NFIB: variants seen among roughly 807,000 people sequenced by gnomAD.
NFIB encodes the protein nuclear factor 1 B-type.
Under a neutral mutation model 61.5 loss-of-function variants are expected in NFIB, and 11 were observed. That is an observed-to-expected ratio of 0.18 (90% CI 0.11 to 0.30). NFIB has a LOEUF of 0.30. Ranked by LOEUF, NFIB falls within the 10% of genes least tolerant of loss-of-function variation. The pLI, the probability that NFIB is intolerant of heterozygous loss-of-function variation, is 1.00. For missense variants in NFIB, 471 were observed against 608.9 expected (o/e 0.77, Z 2.38); for synonymous variants, 260 against 216.5 (o/e 1.20, Z -1.76).
At chr9:14,299,449 T>C (rs2132633766) in intron 2 of NFIB, among the ~76,000 whole-genome samples, 1 of 152,338 alleles carries the variant, frequency 6.6e-6, no homozygotes, top group South Asian at 2.1e-4. Flanking sequence ...CTATTTTGAA[T>C]GGAGTTGAAG....
At chr9:14,095,423 A>G (rs1357050491) in intron 10 of NFIB, among the ~76,000 whole-genome samples, 1 of 152,108 alleles carries the variant, frequency 6.6e-6, no homozygotes, top group Non-Finnish European at 1.5e-5. Flanking sequence ...CCTCCCACAG[A>G]CCACAGCACA....
chr9:14,110,975 G>T (rs1255527712), intron 10 of NFIB, among the ~76,000 whole-genome samples: 1 of 151,974 alleles, frequency 6.6e-6, no homozygotes, highest in Admixed American at 6.6e-5. Flanking sequence ...CAGCTATAAA[G>T]AACTTTTTTT....
chr9:14,298,901 G>A (rs1029402410), intron 2 of NFIB, among the ~76,000 whole-genome samples: 1 of 152,180 alleles, frequency 6.6e-6, no homozygotes, highest in Admixed American at 6.5e-5. Context: ...GTTGCATCAG[G>A]TAGCAGGGTT....
At chr9:14,424,993 T>A in the NFIB span, among the ~76,000 whole-genome samples, 1 of 152,174 alleles carries the variant, frequency 6.6e-6, no homozygotes, top group Non-Finnish European at 1.5e-5. Context: ...CCTGGGCCTT[T>A]GCTCTAGAGA....
chr9:14,107,528 G>C (rs973763546), intron 10 of NFIB, among the ~76,000 whole-genome samples: 3 of 152,078 alleles, frequency 2.0e-5, no homozygotes, highest in Non-Finnish European at 2.9e-5. Context: ...GAAAGATTTT[G>C]TTTTTAAATT....
At chr9:14,098,135 C>T (rs1035502818) in intron 10 of NFIB, among the ~76,000 whole-genome samples, 1 of 152,100 alleles carries the variant, frequency 6.6e-6, no homozygotes, top group Non-Finnish European at 1.5e-5. Context: ...CGCAGAAACA[C>T]AAAAATCCTC....
chr9:14,278,834 G>C (rs894823170), intron 2 of NFIB, among the ~76,000 whole-genome samples: 9 of 152,110 alleles, frequency 5.9e-5, no homozygotes, highest in African/African-American at 1.9e-4. Context: ...TTTTCCAGCA[G>C]TAGAACTTCA....
At chr9:14,481,218 T>TATGTATATATATATGTAC in the NFIB span, among the ~76,000 whole-genome samples, 2 of 114,218 alleles carry the variant, frequency 1.8e-5, no homozygotes, top group Non-Finnish European at 3.7e-5. Flanking sequence ...TATATATATA[T>TATGTATATATATATGTAC]ATATATATAT....
At chr9:14,393,037 A>T (rs146213265) in intron 1 of NFIB, among the ~76,000 whole-genome samples, 1 of 152,304 alleles carries the variant, frequency 6.6e-6, no homozygotes, top group East Asian at 1.9e-4. Flanking sequence ...GTCTATTTTC[A>T]TTACCATCAT....
intron 1 of NFIB, among the ~76,000 whole-genome samples, chr9:14,335,647 G>T (rs1396136965): frequency 6.6e-6 from 1 of 152,104 alleles, no homozygotes; most frequent in African/African-American, 2.4e-5. Context: ...TTGCTTTTCA[G>T]TCTTCTAACA....
chr9:14,188,032 C>T (rs1217698772), intron 2 of NFIB, among the ~76,000 whole-genome samples: 1 of 152,100 alleles, frequency 6.6e-6, no homozygotes, highest in Non-Finnish European at 1.5e-5. Flanking sequence ...TCCTACTGAT[C>T]TAGGGATTGA....
chr9:14,275,435 G>A (rs2057932194), intron 2 of NFIB, among the ~76,000 whole-genome samples: 1 of 152,186 alleles, frequency 6.6e-6, no homozygotes, highest in Non-Finnish European at 1.5e-5. Flanking sequence ...CGATATCAGT[G>A]CAGTTGAGGC....
rs80208745 is a variant in NFIB, at chr9:14,371,236, T to C, written c.108+27288A>G. On this transcript the variant is annotated intron_variant, in intron 1 of 8. Transcript: ENST00000380934. ...TCAGTCATCTCTGGAACTTTTCATA[T>C]CTTTTCCATCATTATATGTTAGCTT... is the stretch of plus-strand genomic sequence containing the variant. 7.4e-3 allele frequency among the ~76,000 whole-genome samples: 1,128 copies of C among 152,352 alleles called. 14 individuals carry two copies. Among genetic ancestry groups the C allele is most frequent in the African/African-American group, 0.026 (1,076 of 41,578 alleles).
At chr9:14,450,612 T>C in the NFIB span, among the ~76,000 whole-genome samples, 46 of 152,258 alleles carry the variant, frequency 3.0e-4, no homozygotes, top group African/African-American at 1.1e-3. Flanking sequence ...TACACTGCAT[T>C]GAGAGACTCC....
At chr9:14,222,344 G>C (rs892924076) in intron 2 of NFIB, among the ~76,000 whole-genome samples, 1 of 152,092 alleles carries the variant, frequency 6.6e-6, no homozygotes, top group Non-Finnish European at 1.5e-5. Flanking sequence ...GAAATCCATT[G>C]CATCAGATGG....
chr9:14,477,765 A>C, the NFIB span, among the ~76,000 whole-genome samples: 2 of 152,250 alleles, frequency 1.3e-5, no homozygotes, highest in African/African-American at 2.4e-5. Flanking sequence ...ACGTATTCAG[A>C]AGATGTATAG....
At chr9:14,244,614 C>A (rs1398114429) in intron 2 of NFIB, among the ~76,000 whole-genome samples, 1 of 152,168 alleles carries the variant, frequency 6.6e-6, no homozygotes, top group African/African-American at 2.4e-5. Context: ...TCAAAGTTCA[C>A]AAACCATGCC....
At chr9:14,466,151 GCCTTTATGAAGAAAGGAAACA>G in the NFIB span, among the ~76,000 whole-genome samples, 1 of 152,156 alleles carries the variant, frequency 6.6e-6, no homozygotes, top group African/African-American at 2.4e-5. Context: ...ATCTCAGCCA[GCCTTTATGAAGAAAGGAAACA>G]CTGTCAAGGC....
chr9:14,438,006 A>T, the NFIB span, among the ~76,000 whole-genome samples: 6 of 110,814 alleles, frequency 5.4e-5, no homozygotes, highest in African/African-American at 2.1e-4. Context: ...CACCACCCCC[A>T]TCCTAGTGTG....
Sources: allele counts gnomAD v4.1 joint callset (sites outside exome capture counted in the v4.1 genomes callset), GRCh38; gene constraint gnomAD v4.1.1; transcripts MANE v1.5; gene names NCBI Gene and HGNC (gene_info 2026-07-23, HGNC 2026-07-21).